FBXL17: variants seen among roughly 807,000 people sequenced by gnomAD.
FBXL17 encodes F-box and leucine rich repeat protein 17.
A neutral mutation model predicts 66.2 loss-of-function variants in FBXL17; 22 were observed. That is an observed-to-expected ratio of 0.33 (90% confidence interval 0.24 to 0.47). The LOEUF is 0.47. Ranked by LOEUF, FBXL17 falls within the 20% of genes least tolerant of loss-of-function variation. FBXL17 has a pLI of 1.00. For missense variants in FBXL17, 878 were observed against 948.2 expected (o/e 0.93, Z 0.97); for synonymous variants, 474 against 400.5 (o/e 1.18, Z -2.19).
At chr5:108,041,570 C>T (rs1209455164) in intron 6 of FBXL17, among the ~76,000 whole-genome samples, 1 of 152,000 alleles carries the variant, frequency 6.6e-6, no homozygotes, top group Non-Finnish European at 1.5e-5. Context: ...GCACATGCCA[C>T]CACATCTGGC....
At chr5:107,941,725 C>T (rs1315153636) in intron 7 of FBXL17, among the ~76,000 whole-genome samples, 4 of 152,114 alleles carry the variant, frequency 2.6e-5, no homozygotes, top group Admixed American at 2.6e-4. Context: ...TTCAAGTTAG[C>T]ACTCACATTT....
At chr5:108,229,814 T>G (rs1484341194) in intron 4 of FBXL17, among the ~76,000 whole-genome samples, 1 of 152,102 alleles carries the variant, frequency 6.6e-6, no homozygotes, top group Non-Finnish European at 1.5e-5. Flanking sequence ...TCAAAATCTA[T>G]GCATCTGACA....
At chr5:108,308,191 GAAT>G (rs1343144253) in intron 4 of FBXL17, among the ~76,000 whole-genome samples, 2 of 151,922 alleles carry the variant, frequency 1.3e-5, no homozygotes, top group African/African-American at 4.8e-5. Flanking sequence ...GAATGAGAAA[GAAT>G]ATTATTGTAT....
intron 8 of FBXL17, among the ~76,000 whole-genome samples, chr5:107,873,135 T>C (rs1404008447): frequency 6.6e-6 from 1 of 152,176 alleles, no homozygotes; most frequent in Non-Finnish European, 1.5e-5. Flanking sequence ...AGAAATTAAA[T>C]AGAATGGCAA....
intron 6 of FBXL17, among the ~76,000 whole-genome samples, chr5:108,132,626 A>C (rs991133250): frequency 6.6e-6 from 1 of 152,064 alleles, no homozygotes; most frequent in African/African-American, 2.4e-5. Context: ...AATGGATTTG[A>C]TTAGCAAGTA....
At chr5:108,248,128 C>T (rs1756186552) in intron 4 of FBXL17, among the ~76,000 whole-genome samples, 1 of 152,012 alleles carries the variant, frequency 6.6e-6, no homozygotes, top group Admixed American at 6.6e-5. Context: ...TAAGAAAAGA[C>T]AATCAAGAGA....
intron 6 of FBXL17, among the ~76,000 whole-genome samples, chr5:108,149,976 A>T (rs1751703778): frequency 6.6e-6 from 1 of 152,218 alleles, no homozygotes; most frequent in African/African-American, 2.4e-5. Context: ...ATTTTCAAAC[A>T]TACTAAAAAA....
rs147716302 is a variant in FBXL17 at position 108,263,308 on chromosome 5, C to T, written c.1507-39080G>A. On this transcript the variant is annotated intron_variant, in intron 4 of 8. Coordinates refer to ENST00000542267, the MANE Select transcript of FBXL17 (RefSeq NM_001163315.3). ...ATTGAAAATAAAATAAAATTTGTAA[C>T]GACTGGATAGAAAGAAAAAAACTAT... Among the ~76,000 whole-genome samples, 93 of 151,978 alleles carry T rather than the reference C, an allele frequency of 6.1e-4. 1 individual carries two copies. In the East Asian group the frequency reaches 0.01, roughly 16 times the overall value.
At chr5:108,369,189 A>G (rs775642814) in intron 1 of FBXL17, among the ~76,000 whole-genome samples, 5 of 152,204 alleles carry the variant, frequency 3.3e-5, no homozygotes, top group Non-Finnish European at 7.3e-5. Flanking sequence ...AGAAGTGATT[A>G]TTCCTCTACA....
intron 6 of FBXL17, among the ~76,000 whole-genome samples, chr5:108,056,451 T>C (rs1212712762): frequency 6.6e-6 from 1 of 152,240 alleles, no homozygotes; most frequent in African/African-American, 2.4e-5. Flanking sequence ...TGATTGGTTA[T>C]GTGCAAAATA....
chr5:108,035,043 A>G (rs1746787712), intron 6 of FBXL17, among the ~76,000 whole-genome samples: 1 of 152,164 alleles, frequency 6.6e-6, no homozygotes, highest in African/African-American at 2.4e-5. Context: ...TAATACAGAA[A>G]GCCATGGAAA....
At chr5:107,880,106 A>G (rs1748736794) in intron 8 of FBXL17, 1 of 215,524 alleles carries the variant, frequency 4.6e-6, no homozygotes, top group Admixed American at 6.6e-5. Context: ...GTGCTCCGTC[A>G]TCCAGGCTGA....
At chr5:108,316,747 C>A (rs1388503511) in intron 4 of FBXL17, among the ~76,000 whole-genome samples, 1 of 150,834 alleles carries the variant, frequency 6.6e-6, no homozygotes, top group Non-Finnish European at 1.5e-5. Context: ...AACCAGATAA[C>A]AGCATACTAA....
chr5:108,318,863 C>A (rs1759490988), intron 4 of FBXL17, among the ~76,000 whole-genome samples: 1 of 151,862 alleles, frequency 6.6e-6, no homozygotes, highest in Non-Finnish European at 1.5e-5. Flanking sequence ...AAAGGGATAA[C>A]TGCAATCAAT....
At chr5:108,224,435 T>A (rs1482045048) in intron 4 of FBXL17, among the ~76,000 whole-genome samples, 1 of 152,064 alleles carries the variant, frequency 6.6e-6, no homozygotes, top group African/African-American at 2.4e-5. Flanking sequence ...TATCACCCCA[T>A]GTTTTTATAC....
chr5:108,046,419 ATAGT>A (rs1747256621), intron 6 of FBXL17, among the ~76,000 whole-genome samples: 1 of 152,170 alleles, frequency 6.6e-6, no homozygotes, highest in African/African-American at 2.4e-5. Flanking sequence ...TTTAATTGGA[ATAGT>A]TAGAGCTTTA....
chr5:107,879,613 A>T (rs1007581855), intron 8 of FBXL17: 2 of 985,362 alleles, frequency 2.0e-6, no homozygotes, highest in African/African-American at 3.5e-5. Context: ...ATTAACAAAA[A>T]ATCACAAAGG....
At chr5:107,986,235 T>A (rs1344314086) in intron 7 of FBXL17, among the ~76,000 whole-genome samples, 2 of 152,012 alleles carry the variant, frequency 1.3e-5, no homozygotes, top group Non-Finnish European at 2.9e-5. Context: ...CTTCTTGCCT[T>A]CTTATGCCAA....
chr5:108,043,462 C>T (rs1271450228), intron 6 of FBXL17, among the ~76,000 whole-genome samples: 1 of 152,000 alleles, frequency 6.6e-6, no homozygotes, highest in Admixed American at 6.6e-5. Context: ...CCAATTTTTC[C>T]AGCACCATTT....
Sources: allele counts gnomAD v4.1 joint callset (sites outside exome capture counted in the v4.1 genomes callset), GRCh38; gene constraint gnomAD v4.1.1; transcripts MANE v1.5; gene names NCBI Gene and HGNC (gene_info 2026-07-23, HGNC 2026-07-21).